Variants in TRHDE observed in about 807,000 individuals in gnomAD.
TRHDE encodes the protein thyrotropin-releasing hormone-degrading ectoenzyme.
A neutral mutation model predicts 125.7 loss-of-function variants in TRHDE; 72 were observed. The ratio of observed to expected loss-of-function variants is 0.57; its 90% CI spans 0.47 to 0.70. The LOEUF (loss-of-function observed/expected upper bound fraction) is 0.70. Ranked by LOEUF, TRHDE falls within the 30% of genes least tolerant of loss-of-function variation. The pLI, the probability that TRHDE is intolerant of heterozygous loss-of-function variation, is 0.00. For missense variants in TRHDE, 1,110 were observed against 1,327.1 expected, an observed-to-expected ratio of 0.84 and a Z score of 2.54; for synonymous variants, 509 against 509.1, an observed-to-expected ratio of 1.00 and a Z score of 0.00.
chr12:72,312,156 A>G (rs945031186), intron 2 of TRHDE, among the ~76,000 whole-genome samples: 2 of 152,180 alleles, frequency 1.3e-5, no homozygotes, highest in African/African-American at 4.8e-5. Context: ...TCACACAGCT[A>G]GTAAAATCAG....
At chr12:72,320,383 A>G (rs953168335) in intron 2 of TRHDE, among the ~76,000 whole-genome samples, 1 of 152,206 alleles carries the variant, frequency 6.6e-6, no homozygotes, top group Non-Finnish European at 1.5e-5. Flanking sequence ...TGTAAATGTT[A>G]TATAAATAGT....
rs751983579 is a variant in TRHDE, at chr12:72,273,476, T to C, written c.833T>C (p.Leu278Pro). ...RTLDAQRNYN[L>P]KIIYNALIEN... ...CTGGACGCGCAGAGGAATTACAATC[T>C]GAAGATTATCTACAACGCGCTCATC... The change falls in exon 1 of 19, where the codon CTG (leucine) becomes CCG (proline). Residue 278 changes from leucine (L) to proline (P), a missense_variant. Coordinates refer to ENST00000261180, the MANE Select transcript of TRHDE (RefSeq NM_013381.3). The surrounding 1 kb of genome is among the most constrained non-coding windows in gnomAD (Gnocchi z 5.3). The C allele has an allele frequency of 6.2e-7, 1 of 1,613,696 alleles. No individual in the cohort carries two copies. The highest frequency in any genetic ancestry group is 8.5e-7 in the Non-Finnish European group (1 of 1,180,018).
intron 6 of TRHDE, among the ~76,000 whole-genome samples, chr12:72,517,531 CTCT>C (rs1199828236): frequency 1.3e-5 from 2 of 152,086 alleles, no homozygotes; most frequent in African/African-American, 4.8e-5. Context: ...TGATTCTTCT[CTCT>C]TTTTTTCTTT....
intron 2 of TRHDE, among the ~76,000 whole-genome samples, chr12:72,335,508 A>G (rs986921938): frequency 9.9e-5 from 15 of 152,192 alleles, no homozygotes; most frequent in African/African-American, 3.6e-4. Context: ...GTAGGCATAT[A>G]TCATGCAGAT....
chr12:72,529,421 C>T (rs1868429006), intron 6 of TRHDE, among the ~76,000 whole-genome samples: 1 of 152,096 alleles, frequency 6.6e-6, no homozygotes, highest in African/African-American at 2.4e-5. Context: ...CCTTTCTTAA[C>T]CCCCTGTCCC....
At chr12:72,520,743 T>G (rs1316215883) in intron 6 of TRHDE, among the ~76,000 whole-genome samples, 1 of 152,178 alleles carries the variant, frequency 6.6e-6, no homozygotes, top group Non-Finnish European at 1.5e-5. Context: ...AGTGACATCT[T>G]TTTTAGAAAT....
chr12:72,574,298 C>T (rs1315486468), intron 10 of TRHDE, among the ~76,000 whole-genome samples: 1 of 151,892 alleles, frequency 6.6e-6, no homozygotes, highest in Non-Finnish European at 1.5e-5. Context: ...TCTGTGATGC[C>T]TTTTATGGTT....
intron 2 of TRHDE, among the ~76,000 whole-genome samples, chr12:72,242,901 T>C (rs1414645775): frequency 6.6e-6 from 1 of 152,192 alleles, no homozygotes; most frequent in Non-Finnish European, 1.5e-5. Context: ...TGATGGTGAT[T>C]AGCTAAGGAA....
intron 2 of TRHDE, chr12:72,147,562 G>T (rs1348374700): frequency 6.6e-6 from 1 of 152,106 alleles, no homozygotes; most frequent in African/African-American, 2.4e-5. Context: ...CTACTTATCA[G>T]TTGGCTTTGA....
At chr12:72,634,904 A>T (rs553374989) in intron 15 of TRHDE, among the ~76,000 whole-genome samples, 48 of 152,178 alleles carry the variant, frequency 3.2e-4, no homozygotes, top group African/African-American at 6.0e-4. Flanking sequence ...TCTATCATTG[A>T]TGGACCTTTG....
chr12:72,337,558 C>A (rs1869884490), intron 2 of TRHDE, among the ~76,000 whole-genome samples: 1 of 152,022 alleles, frequency 6.6e-6, no homozygotes, highest in Non-Finnish European at 1.5e-5. Context: ...CAGGTTCCCT[C>A]CTTGAAGTTC....
intron 2 of TRHDE, among the ~76,000 whole-genome samples, chr12:72,205,383 T>C (rs559311541): frequency 1.3e-5 from 2 of 151,672 alleles, no homozygotes; most frequent in African/African-American, 4.8e-5. Context: ...ACATATAACA[T>C]AAACTTATTC....
At chr12:72,514,615 C>A (rs1878750237) in intron 6 of TRHDE, among the ~76,000 whole-genome samples, 1 of 151,416 alleles carries the variant, frequency 6.6e-6, no homozygotes, top group African/African-American at 2.4e-5. Context: ...GCCTTAACTA[C>A]ACTTACTTTT....
At chr12:72,153,208 T>C (rs1461241575) in intron 2 of TRHDE, among the ~76,000 whole-genome samples, 2 of 152,220 alleles carry the variant, frequency 1.3e-5, no homozygotes, top group Non-Finnish European at 2.9e-5. Flanking sequence ...TATTCTCTGA[T>C]GGTAGTTTGT....
At chr12:72,474,361 T>G (rs1005783849) in intron 5 of TRHDE, among the ~76,000 whole-genome samples, 2 of 152,166 alleles carry the variant, frequency 1.3e-5, no homozygotes, top group African/African-American at 4.8e-5. Context: ...TTATGCTCTA[T>G]AGTAGATCTC....
At position 72,472,954 on chromosome 12, in the gene TRHDE, C is replaced by T. The variant is rs2135901761; in HGVS notation, c.1471-113C>T. 4 of 839,634 alleles carry T rather than the reference C, an allele frequency of 4.8e-6. No homozygotes were observed. The South Asian group carries it at 6.9e-5, about 14-fold the overall frequency. 52.0% of individuals were successfully genotyped at this position (839,634 alleles called of 1,614,324 possible). On this transcript the variant is annotated intron_variant, in intron 4 of 18. Coordinates refer to ENST00000261180, the MANE Select transcript of TRHDE (RefSeq NM_013381.3). ...ACACATTTTAAGATCACAAAATCAACTGGGGAATGAATTCCAGTTATAATA... is the reference window on the plus strand; with the variant it reads ...ACACATTTTAAGATCACAAAATCAATTGGGGAATGAATTCCAGTTATAATA...
chr12:72,234,852 T>C (rs1426833130), intron 2 of TRHDE, among the ~76,000 whole-genome samples: 1 of 152,184 alleles, frequency 6.6e-6, no homozygotes, highest in Non-Finnish European at 1.5e-5. Flanking sequence ...GTTCCTAAAA[T>C]TTTTTGAGCA....
chr12:72,482,942 G>A (rs1041399597), intron 5 of TRHDE, among the ~76,000 whole-genome samples: 7 of 137,360 alleles, frequency 5.1e-5, no homozygotes, highest in Non-Finnish European at 3.0e-5. Flanking sequence ...TTAGAGAGAT[G>A]ACAGGACATA....
chr12:72,216,649 T>G (rs1592487463), intron 2 of TRHDE, among the ~76,000 whole-genome samples: 1 of 152,184 alleles, frequency 6.6e-6, no homozygotes, highest in Non-Finnish European at 1.5e-5. Context: ...GTTCTAGTAA[T>G]AGTTTTGTAC....
Sources: allele counts gnomAD v4.1 joint callset (sites outside exome capture counted in the v4.1 genomes callset), GRCh38; gene constraint gnomAD v4.1.1; non-coding constraint Gnocchi (gnomAD v3.1); transcripts MANE v1.5; gene names NCBI Gene and HGNC (gene_info 2026-07-23, HGNC 2026-07-21).